Variants in GPC6 observed in about 807,000 individuals in gnomAD.
GPC6 encodes the protein glypican-6.
A neutral mutation model predicts 55.2 loss-of-function variants in GPC6; 14 were observed. The observed-to-expected ratio is 0.25, with a 90% CI of 0.17 to 0.40. The LOEUF (loss-of-function observed/expected upper bound fraction) is 0.40, where lower values mean the gene tolerates loss of function less well. GPC6 is among the 10% of genes least tolerant of loss of function. The pLI is 1.00. For synonymous variants in GPC6, 278 were observed against 259.6 expected, an observed-to-expected ratio of 1.07 and a Z score of -0.68; for missense variants, 641 against 708.5, an observed-to-expected ratio of 0.90 and a Z score of 1.08.
At chr13:93,956,553 A>C (rs1879514084) in intron 3 of GPC6, among the ~76,000 whole-genome samples, 1 of 152,226 alleles carries the variant, frequency 6.6e-6, no homozygotes, top group Non-Finnish European at 1.5e-5. Flanking sequence ...GAGGATTAGT[A>C]TGTGCAGGCA....
intron 2 of GPC6, among the ~76,000 whole-genome samples, chr13:93,584,717 G>C (rs1877112200): frequency 7.2e-6 from 1 of 138,544 alleles, no homozygotes; most frequent in African/African-American, 2.9e-5. Flanking sequence ...TTGAGACAGG[G>C]TCTCTCTGTT....
chr13:93,456,087 C>T (rs567576377), intron 1 of GPC6, among the ~76,000 whole-genome samples: 12 of 152,232 alleles, frequency 7.9e-5, no homozygotes, highest in African/African-American at 2.9e-4. Flanking sequence ...CAACCTTGTG[C>T]GAGGGCTGGA....
intron 1 of GPC6, among the ~76,000 whole-genome samples, chr13:93,451,122 G>C (rs1171553327): frequency 1.3e-5 from 2 of 152,208 alleles, no homozygotes; most frequent in Non-Finnish European, 2.9e-5. Context: ...TAATTGAAGG[G>C]CTGGGCAACT....
chr13:93,581,466 G>A (rs1446202501), intron 2 of GPC6, among the ~76,000 whole-genome samples: 1 of 152,172 alleles, frequency 6.6e-6, no homozygotes, highest in African/African-American at 2.4e-5. Context: ...CCAACACTTT[G>A]AGAGGCCAAG....
chr13:93,285,737 A>T (rs1878102720), intron 1 of GPC6, among the ~76,000 whole-genome samples: 1 of 151,800 alleles, frequency 6.6e-6, no homozygotes, highest in South Asian at 2.1e-4. Flanking sequence ...TAGTTAGCAA[A>T]ACTCAGGATA....
At chr13:94,243,362 C>G (rs1891109471) in intron 4 of GPC6, among the ~76,000 whole-genome samples, 1 of 152,010 alleles carries the variant, frequency 6.6e-6, no homozygotes, top group South Asian at 2.1e-4. Flanking sequence ...GAGATGATGT[C>G]TTTTGTGTAC....
At chr13:93,685,456 A>G (rs376553063) in intron 2 of GPC6, among the ~76,000 whole-genome samples, 2 of 152,292 alleles carry the variant, frequency 1.3e-5, no homozygotes, top group Admixed American at 6.5e-5. Flanking sequence ...AGTTTTTTGT[A>G]TTTTGTTATT....
At chr13:93,803,128 T>G (rs929445052) in intron 2 of GPC6, among the ~76,000 whole-genome samples, 1 of 152,160 alleles carries the variant, frequency 6.6e-6, no homozygotes, top group Non-Finnish European at 1.5e-5. Flanking sequence ...TGTTTTATAA[T>G]CTTTAAGCCA....
intron 1 of GPC6, among the ~76,000 whole-genome samples, chr13:93,230,684 T>C (rs1875973734): frequency 6.6e-6 from 1 of 152,158 alleles, no homozygotes; most frequent in Non-Finnish European, 1.5e-5. Context: ...AGGTTCTTTG[T>C]TAGGAGAGTT....
chr13:93,728,718 C>G (rs1202148112), intron 2 of GPC6, among the ~76,000 whole-genome samples: 3 of 152,004 alleles, frequency 2.0e-5, no homozygotes, highest in Admixed American at 6.6e-5. Flanking sequence ...AATCACCCAC[C>G]ACCATGCCTG....
intron 2 of GPC6, among the ~76,000 whole-genome samples, chr13:93,815,635 G>T (rs1276398499): frequency 3.3e-5 from 5 of 152,246 alleles, no homozygotes; most frequent in South Asian, 2.1e-4. Flanking sequence ...TCTTTGAGAA[G>T]TATCCTGTGA....
chr13:93,817,727 C>T (rs909643970), intron 2 of GPC6, among the ~76,000 whole-genome samples: 6 of 151,678 alleles, frequency 4.0e-5, no homozygotes, highest in East Asian at 1.9e-4. Context: ...AGTGTGGTGG[C>T]GTGCACCTGT....
chr13:93,397,390 TCCC>T (rs1184143246), intron 1 of GPC6, among the ~76,000 whole-genome samples: 1 of 152,200 alleles, frequency 6.6e-6, no homozygotes, highest in Non-Finnish European at 1.5e-5. Flanking sequence ...TATTTAGATT[TCCC>T]TAATGATTAA....
intron 1 of GPC6, among the ~76,000 whole-genome samples, chr13:93,401,517 A>G (rs1876076265): frequency 7.9e-6 from 1 of 127,064 alleles, no homozygotes; most frequent in Non-Finnish European, 1.9e-5. Context: ...AATTTAGATT[A>G]GGTTGCACTA....
At chr13:93,478,209 T>C (rs1879372383) in intron 1 of GPC6, among the ~76,000 whole-genome samples, 2 of 152,178 alleles carry the variant, frequency 1.3e-5, no homozygotes. Context: ...AGTTATAACA[T>C]AGTTCTAGTC....
chr13:94,362,176 T>C (rs541186492), intron 6 of GPC6, among the ~76,000 whole-genome samples: 2 of 152,296 alleles, frequency 1.3e-5, no homozygotes, highest in South Asian at 4.1e-4. Context: ...ACAAAGAATT[T>C]TGTGTCAGGG....
rs1380369462 is a variant in GPC6 at position 93,417,643 on chromosome 13, T to G, written c.161-127620T>G. On this transcript the variant is annotated intron_variant, in intron 1 of 8. Transcript: ENST00000377047. ...ATGTTTTGAAGAGTAATTGAAAATTTAAACAAAATCAAAGAGAGAAAGCGT... is the reference window on the plus strand; with the variant it reads ...ATGTTTTGAAGAGTAATTGAAAATTGAAACAAAATCAAAGAGAGAAAGCGT... 2.0e-5 allele frequency among the ~76,000 whole-genome samples: 3 copies of G among 152,078 alleles called. No individual in the cohort carries two copies. The East Asian group carries it at 5.8e-4, about 29-fold the overall frequency.
At chr13:93,815,817 A>C (rs1239469829) in intron 2 of GPC6, among the ~76,000 whole-genome samples, 2 of 145,176 alleles carry the variant, frequency 1.4e-5, no homozygotes, top group Admixed American at 1.4e-4. Flanking sequence ...GAATGAAGAC[A>C]TCTGTGATGC....
At chr13:94,264,474 A>G (rs1370743211) in intron 4 of GPC6, among the ~76,000 whole-genome samples, 1 of 152,168 alleles carries the variant, frequency 6.6e-6, no homozygotes, top group African/African-American at 2.4e-5. Flanking sequence ...AAGTCCTCTC[A>G]TCCTTTCTTT....
Sources: allele counts gnomAD v4.1 joint callset (sites outside exome capture counted in the v4.1 genomes callset), GRCh38; gene constraint gnomAD v4.1.1; transcripts MANE v1.5; gene names NCBI Gene and HGNC (gene_info 2026-07-23, HGNC 2026-07-21).